The following MYRFL variants were observed in gnomAD, a reference collection of about 807,000 sequenced individuals.
The protein encoded by MYRFL is myelin regulatory factor-like protein.
MYRFL carries 88 observed loss-of-function variants against 109.4 expected under a neutral mutation model. The observed-to-expected ratio is 0.80, with a 90% CI of 0.68 to 0.96. The LOEUF (loss-of-function observed/expected upper bound fraction) is 0.96, where lower values mean the gene tolerates loss of function less well. MYRFL is among the 40% of genes least tolerant of loss of function. The pLI, the probability that MYRFL is intolerant of heterozygous loss-of-function variation, is 0.00. For synonymous variants in MYRFL, 324 were observed against 320.9 expected (o/e 1.01, Z -0.10); for missense variants, 957 against 954.9 (o/e 1.00, Z -0.03).
chr12:69,958,635 T>C lies in MYRFL; in HGVS notation c.*104T>C. 2.5e-6 allele frequency: 2 copies of C among 808,976 alleles called. No homozygotes were observed. The highest frequency in any genetic ancestry group is 1.9e-5 in the South Asian group (1 of 53,412). The allele number at this position is 808,976 out of a possible 1,614,324, so 50.1% of individuals were successfully genotyped here. A position where few individuals can be genotyped will look rare whatever the true frequency, so the allele number is the denominator to read the frequency against. ...TCTTTTTTCTTCTTTGTAAAACATTTACGTTTATTGCTGAAGGACTTTTTC... is the reference window on the plus strand; with the variant it reads ...TCTTTTTTCTTCTTTGTAAAACATTCACGTTTATTGCTGAAGGACTTTTTC... On this transcript the variant is annotated 3_prime_UTR_variant, in exon 25 of 25. Transcript: ENST00000552032.
chr12:69,895,959 G>A (rs1033336907), intron 9 of MYRFL, among the ~76,000 whole-genome samples: 2 of 152,124 alleles, frequency 1.3e-5, no homozygotes, highest in East Asian at 3.8e-4. Flanking sequence ...GCGAGTTCTC[G>A]GGCCTTACTG....
chr12:69,958,664 C>A lies in MYRFL; in HGVS notation c.*133C>A. Reference sequence around the variant, plus strand: ...TTTATTGCTGAAGGACTTTTTCAGGCTTTAGCTTCCAACAGTTTTGAGACA... The same window carrying A: ...TTTATTGCTGAAGGACTTTTTCAGGATTTAGCTTCCAACAGTTTTGAGACA... On this transcript the variant is annotated 3_prime_UTR_variant, in exon 25 of 25. Coordinates refer to ENST00000552032, the MANE Select transcript of MYRFL (RefSeq NM_182530.3). The A allele has an allele frequency of 3.1e-6, 2 of 644,398 alleles. No individual in the cohort carries two copies. The highest frequency in any genetic ancestry group is 5.2e-6 in the Non-Finnish European group (2 of 386,068). 39.9% of individuals were successfully genotyped at this position (644,398 alleles called of 1,614,324 possible). A position where few individuals can be genotyped will look rare whatever the true frequency, so the allele number is the denominator to read the frequency against.
chr12:69,840,927 A>G (rs949739888), intron 1 of MYRFL, among the ~76,000 whole-genome samples: 15 of 152,206 alleles, frequency 9.9e-5, no homozygotes, highest in Non-Finnish European at 2.1e-4. Flanking sequence ...GTTAATTTTT[A>G]TTTTATCTCT....
At chr12:69,906,841 A>C (rs979779926) in intron 11 of MYRFL, among the ~76,000 whole-genome samples, 1 of 152,212 alleles carries the variant, frequency 6.6e-6, no homozygotes, top group Non-Finnish European at 1.5e-5. Context: ...AGTCCCATGG[A>C]CTGGAAGGTG....
chr12:69,894,095 C>T (rs1428645634), intron 8 of MYRFL, among the ~76,000 whole-genome samples: 1 of 142,654 alleles, frequency 7.0e-6, no homozygotes, highest in Non-Finnish European at 1.5e-5. Flanking sequence ...CTCTTGGGTT[C>T]AAGGGATTCT....
intron 2 of MYRFL, among the ~76,000 whole-genome samples, chr12:69,873,072 T>C (rs2136329667): frequency 6.6e-6 from 1 of 152,344 alleles, no homozygotes; most frequent in Non-Finnish European, 1.5e-5. Flanking sequence ...CCAAACCCTA[T>C]ATATGCTATG....
chr12:69,913,667 A>G (rs891661790), intron 13 of MYRFL, among the ~76,000 whole-genome samples: 1 of 152,180 alleles, frequency 6.6e-6, no homozygotes, highest in African/African-American at 2.4e-5. Context: ...GTCTGTCTTT[A>G]TGCCAGTACC....
At chr12:69,838,456 G>A (rs1445155497) in intron 1 of MYRFL, among the ~76,000 whole-genome samples, 1 of 151,926 alleles carries the variant, frequency 6.6e-6, no homozygotes, top group Non-Finnish European at 1.5e-5. Flanking sequence ...TCCAAACTTT[G>A]GTTATAAAAT....
intron 1 of MYRFL, among the ~76,000 whole-genome samples, chr12:69,830,365 G>T (rs1054104388): frequency 1.3e-5 from 2 of 150,280 alleles, no homozygotes; most frequent in African/African-American, 2.4e-5. Flanking sequence ...TATTTCTATG[G>T]GATCCCTATA....
intron 13 of MYRFL, among the ~76,000 whole-genome samples, chr12:69,917,906 A>G (rs1231951653): frequency 6.6e-6 from 1 of 151,588 alleles, no homozygotes; most frequent in Non-Finnish European, 1.5e-5. Flanking sequence ...TTTAGATGAA[A>G]AAAAAAAAAA....
rs1485202721 is a variant in MYRFL at position 69,884,429 on chromosome 12, G to T, written c.557-2391G>T. 3.3e-5 allele frequency among the ~76,000 whole-genome samples: 5 copies of T among 152,214 alleles called. No individual in the cohort carries two copies. In the East Asian group the frequency reaches 9.6e-4, roughly 29 times the overall value. On this transcript the variant is annotated intron_variant, in intron 5 of 24. Transcript: ENST00000552032. ...CTGTGTCACCCCTATTGGAGCAGCT[G>T]CTGTGATACCCTTACTGTTGTGATG... is the stretch of plus-strand genomic sequence containing the variant.
At chr12:69,872,499 A>T (rs1419730818) in intron 2 of MYRFL, among the ~76,000 whole-genome samples, 1 of 151,726 alleles carries the variant, frequency 6.6e-6, no homozygotes, top group African/African-American at 2.4e-5. Context: ...AATCTTAAAT[A>T]AAAAAAATTT....
intron 2 of MYRFL, among the ~76,000 whole-genome samples, chr12:69,867,529 G>A (rs1046653347): frequency 6.6e-5 from 10 of 152,306 alleles, no homozygotes; most frequent in South Asian, 6.2e-4. Flanking sequence ...AATAGGGGAC[G>A]TCACAGGAGG....
intron 16 of MYRFL, 46 bp from the exon 17 acceptor site, chr12:69,936,067 T>C (rs2120482386): frequency 6.7e-7 from 1 of 1,486,906 alleles, no homozygotes; most frequent in African/African-American, 1.5e-5. Flanking sequence ...GAAACAAATC[T>C]GCCACATAAT....
At chr12:69,868,283 A>ATT (rs1276056164) in intron 2 of MYRFL, among the ~76,000 whole-genome samples, 1 of 142,874 alleles carries the variant, frequency 7.0e-6, no homozygotes, top group Non-Finnish European at 1.5e-5. Context: ...ATTTTTTTGT[A>ATT]TTTTTTTTTT....
intron 10 of MYRFL, among the ~76,000 whole-genome samples, chr12:69,897,906 T>C (rs1294560722): frequency 6.6e-6 from 1 of 152,212 alleles, no homozygotes; most frequent in Non-Finnish European, 1.5e-5. Context: ...GTCACAGCTG[T>C]GCAGCGGAGT....
intron 19 of MYRFL, among the ~76,000 whole-genome samples, chr12:69,943,461 G>A (rs1225411715): frequency 6.8e-6 from 1 of 146,636 alleles, no homozygotes; most frequent in Non-Finnish European, 1.5e-5. Flanking sequence ...AAATGGTGCT[G>A]GGAAAACTGG....
At position 69,894,444 on chromosome 12, in the gene MYRFL, A is replaced by T. The variant is rs547322239; in HGVS notation, c.980+604A>T. ...ATTTTCATATTGTTTATTGCTAAAA[A>T]CTTTGCTAACAACCTTACTAACAAC... On this transcript the variant is annotated intron_variant, in intron 8 of 24. Coordinates refer to ENST00000552032, the MANE Select transcript of MYRFL (RefSeq NM_182530.3). Among the ~76,000 whole-genome samples, 51 of 152,348 alleles carry T rather than the reference A, an allele frequency of 3.3e-4. 1 individual carries two copies. In the South Asian group the frequency reaches 9.7e-3, roughly 29 times the overall value.
intron 10 of MYRFL, among the ~76,000 whole-genome samples, chr12:69,898,368 C>T (rs1434447006): frequency 6.6e-6 from 1 of 152,124 alleles, no homozygotes; most frequent in Non-Finnish European, 1.5e-5. Flanking sequence ...GTTCAGCAAT[C>T]CCAGGGTTAG....
Sources: gnomAD v4.1 joint callset for allele counts (sites outside exome capture counted in the v4.1 genomes callset) on GRCh38, gnomAD v4.1.1 for gene constraint, MANE v1.5 for transcripts, NCBI Gene and HGNC (gene_info 2026-07-23, HGNC 2026-07-21) for gene names.